The following SSBP2 variants were observed in gnomAD, a reference collection of about 807,000 sequenced individuals.
SSBP2 encodes the protein single stranded DNA binding protein 2, also known as single-stranded DNA-binding protein 2.
SSBP2 carries 17 observed loss-of-function variants against 61.8 expected under a neutral mutation model. That is an observed-to-expected ratio of 0.28 (90% confidence interval 0.19 to 0.41). The LOEUF (loss-of-function observed/expected upper bound fraction) is 0.41. Among genes scored for constraint, SSBP2 ranks in the 10% least tolerant of loss-of-function variants. The pLI, the probability that SSBP2 is intolerant of heterozygous loss-of-function variation, is 1.00. For missense variants in SSBP2, 310 were observed against 458.7 expected (o/e 0.68, Z 2.96); for synonymous variants, 139 against 141.3 (o/e 0.98, Z 0.12).
At chr5:81,526,064 C>A (rs918686316) in intron 4 of SSBP2, among the ~76,000 whole-genome samples, 1 of 151,944 alleles carries the variant, frequency 6.6e-6, no homozygotes, top group East Asian at 1.9e-4. Flanking sequence ...ATCCCATATA[C>A]GTCAGTAAAA....
intron 8 of SSBP2, among the ~76,000 whole-genome samples, chr5:81,469,138 G>A (rs1355972730): frequency 1.3e-5 from 2 of 151,768 alleles, no homozygotes; most frequent in African/African-American, 2.4e-5. Context: ...TTGGACATAG[G>A]TAGACAATGG....
intron 4 of SSBP2, 196 bp downstream of exon 4, chr5:81,615,277 T>C (rs1745898311): frequency 6.9e-6 from 4 of 582,062 alleles, no homozygotes; most frequent in South Asian, 4.1e-5. Context: ...CTACGCTTTA[T>C]CCTAAGCTTT....
At chr5:81,672,773 C>T (rs1158993058) in intron 1 of SSBP2, among the ~76,000 whole-genome samples, 1 of 151,968 alleles carries the variant, frequency 6.6e-6, no homozygotes, top group Non-Finnish European at 1.5e-5. Context: ...GGGATTTCAC[C>T]ATATTGACCA....
intron 8 of SSBP2, among the ~76,000 whole-genome samples, chr5:81,468,387 C>T (rs1458987530): frequency 6.6e-6 from 1 of 151,942 alleles, no homozygotes; most frequent in African/African-American, 2.4e-5. Context: ...ATTCTCCAAA[C>T]TGCCTCAGGA....
At chr5:81,747,458 A>C (rs770555938) in intron 1 of SSBP2, among the ~76,000 whole-genome samples, 8 of 152,164 alleles carry the variant, frequency 5.3e-5, no homozygotes, top group Non-Finnish European at 1.2e-4. Flanking sequence ...AGAAAAAAAT[A>C]TACATAAAAC....
At chr5:81,650,992 T>G (rs747942090) in intron 1 of SSBP2, among the ~76,000 whole-genome samples, 1 of 152,154 alleles carries the variant, frequency 6.6e-6, no homozygotes, top group Non-Finnish European at 1.5e-5. Context: ...TATGTATAAA[T>G]TTTTCATTCA....
chr5:81,678,764 G>C (rs1467573149), intron 1 of SSBP2, among the ~76,000 whole-genome samples: 1 of 152,032 alleles, frequency 6.6e-6, no homozygotes, highest in African/African-American at 2.4e-5. Flanking sequence ...GAATAAAGTA[G>C]AGTTGAGAGG....
intron 15 of SSBP2, among the ~76,000 whole-genome samples, chr5:81,434,384 G>C (rs981484236): frequency 2.6e-5 from 4 of 151,966 alleles, no homozygotes; most frequent in Non-Finnish European, 5.9e-5. Flanking sequence ...ATGGCCGGGC[G>C]CAGTGGCTCA....
chr5:81,636,737 T>C (rs1490963292), intron 2 of SSBP2, 119 bp from the exon 3 acceptor site: 17 of 856,250 alleles, frequency 2.0e-5, no homozygotes, highest in Non-Finnish European at 2.6e-5. Context: ...ATCATTTTCA[T>C]GATATTTTTT....
intron 4 of SSBP2, among the ~76,000 whole-genome samples, chr5:81,563,425 AT>A (rs1729400224): frequency 6.6e-6 from 1 of 152,208 alleles, no homozygotes; most frequent in African/African-American, 2.4e-5. Context: ...ATAGGAAAAA[AT>A]ATCTGTGACT....
intron 1 of SSBP2, among the ~76,000 whole-genome samples, chr5:81,675,332 C>T (rs187793539): frequency 1.3e-5 from 2 of 152,242 alleles, no homozygotes; most frequent in East Asian, 3.9e-4. Flanking sequence ...TAAAGTTTGG[C>T]CAAAGAGTTG....
At chr5:81,551,511 C>CA (rs1290837347) in intron 4 of SSBP2, among the ~76,000 whole-genome samples, 1 of 152,132 alleles carries the variant, frequency 6.6e-6, no homozygotes, top group East Asian at 1.9e-4. Context: ...AGTCTACAAT[C>CA]AGTCTTTCTC....
intron 9 of SSBP2, among the ~76,000 whole-genome samples, chr5:81,464,755 A>G (rs1291703276): frequency 6.6e-6 from 1 of 152,134 alleles, no homozygotes. Flanking sequence ...TTCAAGACAG[A>G]GCGTAAGGTA....
intron 4 of SSBP2, among the ~76,000 whole-genome samples, chr5:81,575,012 G>C (rs182688982): frequency 2.6e-5 from 4 of 152,346 alleles, no homozygotes; most frequent in African/African-American, 7.2e-5. Context: ...GCTCATGCTT[G>C]TAATCCCAGC....
chr5:81,451,336 A>G (rs2153980071), intron 10 of SSBP2, among the ~76,000 whole-genome samples: 1 of 152,244 alleles, frequency 6.6e-6, no homozygotes, highest in East Asian at 1.9e-4. Context: ...AGATAGGAAA[A>G]AAAAAAACTT....
intron 10 of SSBP2, among the ~76,000 whole-genome samples, chr5:81,449,370 G>A (rs1763617680): frequency 6.6e-6 from 1 of 152,140 alleles, no homozygotes; most frequent in African/African-American, 2.4e-5. Context: ...TTTAAGAAAT[G>A]AAAAACCAGA....
intron 5 of SSBP2, among the ~76,000 whole-genome samples, chr5:81,513,199 T>C (rs562667057): frequency 6.6e-6 from 1 of 152,240 alleles, no homozygotes; most frequent in South Asian, 2.1e-4. Flanking sequence ...CATATTTTGA[T>C]ATAGCCTGTA....
chr5:81,500,797 G>C (rs1767650443), intron 5 of SSBP2, among the ~76,000 whole-genome samples: 2 of 151,826 alleles, frequency 1.3e-5, no homozygotes, highest in Admixed American at 6.6e-5. Flanking sequence ...AATTATTATT[G>C]CACCAAGAAG....
chr5:81,611,052 G>T (rs1193200694), intron 4 of SSBP2, among the ~76,000 whole-genome samples: 1 of 152,156 alleles, frequency 6.6e-6, no homozygotes, highest in African/African-American at 2.4e-5. Context: ...GCACAAAATA[G>T]AGTGTCACAT....
Sources: allele counts gnomAD v4.1 joint callset (sites outside exome capture counted in the v4.1 genomes callset), GRCh38; gene constraint gnomAD v4.1.1; transcripts MANE v1.5; gene names NCBI Gene and HGNC (gene_info 2026-07-23, HGNC 2026-07-21).